Variants in HMG20A observed in about 807,000 individuals in gnomAD.
HMG20A encodes high mobility group protein 20A.
In HMG20A, 17 loss-of-function variants were observed where a neutral mutation model predicts 43.9. The observed-to-expected ratio is 0.39, with a 90% CI of 0.27 to 0.58. The LOEUF is 0.58. Among genes scored for constraint, HMG20A ranks in the 20% least tolerant of loss-of-function variants. HMG20A has a pLI of 0.59. For synonymous variants in HMG20A, 132 were observed against 147.5 expected (o/e 0.89, Z 0.76); for missense variants, 341 against 438.2 (o/e 0.78, Z 1.98).
chr15:77,466,283 A>G (rs1417865789), intron 3 of HMG20A, among the ~76,000 whole-genome samples: 3 of 152,206 alleles, frequency 2.0e-5, no homozygotes, highest in Non-Finnish European at 2.9e-5. Flanking sequence ...TGGAAGACTA[A>G]GGCAGGAGAA....
the HMG20A span, among the ~76,000 whole-genome samples, chr15:77,515,275 G>A: frequency 1.1e-4 from 16 of 152,188 alleles, no homozygotes; most frequent in African/African-American, 3.9e-4. Context: ...TGTGAAGGAG[G>A]CAGCCGCCAG....
chr15:77,489,939 A>G (rs1313857141), downstream of HMG20A, among the ~76,000 whole-genome samples: 1 of 152,190 alleles, frequency 6.6e-6, no homozygotes, highest in Non-Finnish European at 1.5e-5. Context: ...ATGTGAAGAG[A>G]GTTCTACACA....
chr15:77,462,678 A>T (rs571156269), intron 2 of HMG20A, among the ~76,000 whole-genome samples: 2 of 151,870 alleles, frequency 1.3e-5, no homozygotes, highest in South Asian at 4.1e-4. Context: ...AAACCTCAGA[A>T]TTATCTTTGA....
the HMG20A span, among the ~76,000 whole-genome samples, chr15:77,497,969 A>T: frequency 3.3e-5 from 5 of 151,868 alleles, no homozygotes; most frequent in Non-Finnish European, 1.5e-5. Flanking sequence ...AGCAGTCCTG[A>T]CAAGGTCAAC....
At chr15:77,427,641 C>A (rs1458746899) in intron 1 of HMG20A, among the ~76,000 whole-genome samples, 1 of 152,136 alleles carries the variant, frequency 6.6e-6, no homozygotes, top group African/African-American at 2.4e-5. Context: ...CATGTTACCC[C>A]ATATGGCTTC....
At chr15:77,492,655 A>T in the HMG20A span, among the ~76,000 whole-genome samples, 5 of 150,100 alleles carry the variant, frequency 3.3e-5, no homozygotes, top group Non-Finnish European at 4.4e-5. Context: ...TCATCTCTAT[A>T]AAAAAAAAAT....
chr15:77,499,392 C>A, the HMG20A span, among the ~76,000 whole-genome samples: 1 of 152,166 alleles, frequency 6.6e-6, no homozygotes, highest in South Asian at 2.1e-4. Flanking sequence ...CTTCCCAAAC[C>A]CACATTTTCT....
chr15:77,439,366 C>T (rs968519127), intron 1 of HMG20A, among the ~76,000 whole-genome samples: 1 of 152,056 alleles, frequency 6.6e-6, no homozygotes. Flanking sequence ...TGAATATTTT[C>T]GTCACTCTAG....
In HMG20A at chr15:77,484,604, T is replaced by C. The variant is rs1357018170; in HGVS notation, c.*1641T>C. 4.6e-5 allele frequency: 7 copies of C among 152,262 alleles called. No homozygotes were observed. The allele number at this position is 152,262 out of a possible 1,614,324, so 9.4% of individuals were successfully genotyped here. On this transcript the variant is annotated 3_prime_UTR_variant, in exon 10 of 10. Coordinates refer to ENST00000336216, the MANE Select transcript of HMG20A (RefSeq NM_001304504.2). Reference sequence around the variant, plus strand: ...AAAACAACAGCAACAAAATCTGTTTTTAAAATGTCTTATATGAACATATAT... The same window carrying C: ...AAAACAACAGCAACAAAATCTGTTTCTAAAATGTCTTATATGAACATATAT...
chr15:77,519,608 G>A, the HMG20A span, among the ~76,000 whole-genome samples: 5 of 152,182 alleles, frequency 3.3e-5, no homozygotes, highest in African/African-American at 7.2e-5. Context: ...GCAACGAGAC[G>A]CCATCTATGG....
At chr15:77,425,208 G>T (rs889538311) in intron 1 of HMG20A, among the ~76,000 whole-genome samples, 1 of 152,152 alleles carries the variant, frequency 6.6e-6, no homozygotes, top group Non-Finnish European at 1.5e-5. Context: ...TTACTGTCCA[G>T]TGCTCCTCTT....
Position 77,471,803 on chromosome 15 carries a change from C to A in HMG20A, c.604C>A (p.His202Asn), listed in dbSNP as rs764236783. The A allele has an allele frequency of 3.8e-6, 6 of 1,561,268 alleles. No homozygotes were observed. Among genetic ancestry groups the A allele is most frequent in the Non-Finnish European group, 5.3e-6 (6 of 1,140,196 alleles). ...HRQDAARQAT[H>N]DHEKETEVKE... ...TTTAGATGCAGCCCGGCAGGCCACT[C>A]ATGATCATGAGGTAATTAGCCATCT... The change falls in exon 6 of 10, where the codon CAT (histidine) becomes AAT (asparagine). Residue 202 changes from histidine to asparagine, a missense_variant. His to Asn is a moderately conservative substitution (Grantham distance 68, BLOSUM62 1). Around this residue, in one of 3 missense-constraint regions of HMG20A, gnomAD observed 220 missense variants for 263.6 expected, o/e 0.83. Transcript: ENST00000336216.
chr15:77,512,091 A>C, the HMG20A span, among the ~76,000 whole-genome samples: 2 of 152,240 alleles, frequency 1.3e-5, no homozygotes, highest in Non-Finnish European at 2.9e-5. Flanking sequence ...AACAGGAAGG[A>C]AATTCTGACA....
the HMG20A span, among the ~76,000 whole-genome samples, chr15:77,496,919 G>T: frequency 4.6e-5 from 7 of 152,204 alleles, no homozygotes; most frequent in Admixed American, 4.6e-4. Context: ...GCCTTATTTC[G>T]CAAGAGAGTG....
At chr15:77,474,367 T>C (rs2072836835) in intron 6 of HMG20A, among the ~76,000 whole-genome samples, 1 of 152,224 alleles carries the variant, frequency 6.6e-6, no homozygotes, top group African/African-American at 2.4e-5. Flanking sequence ...CCACCTCATT[T>C]TGCCAGTGAG....
chr15:77,454,144 G>A (rs1200443063), intron 1 of HMG20A, among the ~76,000 whole-genome samples: 5 of 151,006 alleles, frequency 3.3e-5, no homozygotes, highest in African/African-American at 7.3e-5. Context: ...CCTGGGTGAC[G>A]GAGCAGGACC....
the HMG20A span, among the ~76,000 whole-genome samples, chr15:77,505,615 G>C: frequency 1.3e-5 from 2 of 152,224 alleles, no homozygotes; most frequent in African/African-American, 4.8e-5. Flanking sequence ...TGCAACCTGG[G>C]GCCTGGAGGA....
chr15:77,438,137 AT>A (rs34192592), intron 1 of HMG20A, among the ~76,000 whole-genome samples: 170 of 113,432 alleles, frequency 1.5e-3, no homozygotes, highest in Middle Eastern at 5.0e-3. Flanking sequence ...TTTAGTTTTA[AT>A]TTTTTTTTTT....
chr15:77,478,976 A>G (rs1166525274), intron 8 of HMG20A, among the ~76,000 whole-genome samples: 1 of 152,212 alleles, frequency 6.6e-6, no homozygotes, highest in Non-Finnish European at 1.5e-5. Context: ...GCTCATATAT[A>G]CTATACAGCA....
Sources: gnomAD v4.1 joint callset for allele counts (sites outside exome capture counted in the v4.1 genomes callset) on GRCh38, gnomAD v4.1.1 for gene constraint, gnomAD v4.1.1 regional missense constraint, MANE v1.5 for transcripts, NCBI Gene and HGNC (gene_info 2026-07-23, HGNC 2026-07-21) for gene names.